KCTD8: variants seen among roughly 807,000 people sequenced by gnomAD.
KCTD8 encodes the protein BTB/POZ domain-containing protein KCTD8.
Under a neutral mutation model 31.5 loss-of-function variants are expected in KCTD8, and 27 were observed. The observed-to-expected ratio is 0.86, with a 90% CI of 0.63 to 1.18. The LOEUF (loss-of-function observed/expected upper bound fraction) is 1.18, where lower values mean the gene tolerates loss of function less well. Among genes scored for constraint, KCTD8 ranks in the 50% most tolerant of loss-of-function variants. The pLI is 0.00. For synonymous variants in KCTD8, 290 were observed against 280.0 expected (o/e 1.04, Z -0.36); for missense variants, 658 against 647.7 (o/e 1.02, Z -0.17).
chr4:44,202,765 C>CA (rs1185045337), intron 1 of KCTD8, among the ~76,000 whole-genome samples: 6 of 151,608 alleles, frequency 4.0e-5, no homozygotes, highest in Non-Finnish European at 7.4e-5. Flanking sequence ...CCCCCAAATA[C>CA]AAAATCTAAA....
intron 1 of KCTD8, among the ~76,000 whole-genome samples, chr4:44,259,546 T>C (rs1351292028): frequency 6.6e-6 from 1 of 151,996 alleles, no homozygotes; most frequent in Non-Finnish European, 1.5e-5. Flanking sequence ...AAATCTGTTT[T>C]ATTCTCAAAA....
In KCTD8 at chr4:44,338,722, T is replaced by G. The variant is rs376874079; in HGVS notation, c.961+108841A>C. Among the ~76,000 whole-genome samples, 50 of 152,278 alleles carry G rather than the reference T, an allele frequency of 3.3e-4. No individual in the cohort carries two copies. The Middle Eastern group carries it at 0.014, about 41-fold the overall frequency. The stretch of plus-strand genomic sequence containing the variant: ...AATTTGTGATAAATAATTTAACAAG[T>G]GCATGTTTCAAGAGATATAATTACT... On this transcript the variant is annotated intron_variant, in intron 1 of 1. Transcript: ENST00000360029.
chr4:44,264,675 T>TC (rs1183777590), intron 1 of KCTD8, among the ~76,000 whole-genome samples: 20 of 151,578 alleles, frequency 1.3e-4, no homozygotes, highest in African/African-American at 4.6e-4. Flanking sequence ...ATCGGGTCAC[T>TC]CCCCCCCGAA....
chr4:44,320,170 C>CAA (rs35250421), intron 1 of KCTD8, among the ~76,000 whole-genome samples: 3,862 of 31,694 alleles, frequency 0.12, 872 homozygotes, highest in South Asian at 0.19. Context: ...GCCTCCATCT[C>CAA]AAAAAAAAAA....
intron 1 of KCTD8, among the ~76,000 whole-genome samples, chr4:44,299,547 G>A (rs1717541995): frequency 1.3e-5 from 2 of 152,040 alleles, no homozygotes; most frequent in African/African-American, 4.8e-5. Context: ...TGGCCAACAT[G>A]GTGAAACTCC....
chr4:44,289,607 G>T (rs1319654198), intron 1 of KCTD8, among the ~76,000 whole-genome samples: 1 of 152,098 alleles, frequency 6.6e-6, no homozygotes, highest in Admixed American at 6.6e-5. Flanking sequence ...AGATGGTGAG[G>T]CAACCCACTC....
chr4:44,186,109 C>A (rs1381003910), intron 1 of KCTD8, among the ~76,000 whole-genome samples: 1 of 152,164 alleles, frequency 6.6e-6, no homozygotes, highest in Non-Finnish European at 1.5e-5. Context: ...ACCCCAAGAC[C>A]CTAGCCGGCA....
intron 1 of KCTD8, among the ~76,000 whole-genome samples, chr4:44,303,146 T>C (rs1045192838): frequency 2.0e-4 from 31 of 152,206 alleles, no homozygotes; most frequent in African/African-American, 7.5e-4. Context: ...GATTTTTGCA[T>C]CGATGTTCAT....
At chr4:44,339,044 C>T (rs182791839) in intron 1 of KCTD8, among the ~76,000 whole-genome samples, 8 of 152,048 alleles carry the variant, frequency 5.3e-5, no homozygotes, top group Non-Finnish European at 8.8e-5. Flanking sequence ...GAAGGCCACA[C>T]GTAATATAGA....
chr4:44,406,544 G>A (rs1232979845), intron 1 of KCTD8, among the ~76,000 whole-genome samples: 1 of 151,976 alleles, frequency 6.6e-6, no homozygotes, highest in Non-Finnish European at 1.5e-5. Flanking sequence ...TGATTCTGAG[G>A]CCTCCCCAGC....
At chr4:44,336,554 AC>A (rs1718751091) in intron 1 of KCTD8, among the ~76,000 whole-genome samples, 1 of 152,110 alleles carries the variant, frequency 6.6e-6, no homozygotes, top group Admixed American at 6.6e-5. Flanking sequence ...GGTTTACAAA[AC>A]AACAAGACAT....
At chr4:44,218,189 G>A (rs1174875291) in intron 1 of KCTD8, among the ~76,000 whole-genome samples, 2 of 136,168 alleles carry the variant, frequency 1.5e-5, no homozygotes, top group Non-Finnish European at 3.0e-5. Flanking sequence ...GCTGGAGTAC[G>A]GTGGCGCAAT....
At chr4:44,401,057 T>G (rs1196728683) in intron 1 of KCTD8, among the ~76,000 whole-genome samples, 1 of 147,546 alleles carries the variant, frequency 6.8e-6, no homozygotes, top group Non-Finnish European at 1.5e-5. Context: ...CTCACTATGT[T>G]GTCTAGGCTG....
At chr4:44,423,906 T>A (rs1408126098) in intron 1 of KCTD8, among the ~76,000 whole-genome samples, 2 of 152,144 alleles carry the variant, frequency 1.3e-5, no homozygotes, top group African/African-American at 4.8e-5. Flanking sequence ...GACTTGATTC[T>A]ATAGTAAAGC....
At chr4:44,202,896 T>C (rs540049569) in intron 1 of KCTD8, among the ~76,000 whole-genome samples, 1 of 152,166 alleles carries the variant, frequency 6.6e-6, no homozygotes, top group Non-Finnish European at 1.5e-5. Context: ...GTTAGAGCAG[T>C]ATTAAATAGG....
At chr4:44,242,639 A>G (rs1243476418) in intron 1 of KCTD8, among the ~76,000 whole-genome samples, 2 of 152,076 alleles carry the variant, frequency 1.3e-5, no homozygotes, top group Middle Eastern at 3.2e-3. Flanking sequence ...TAGTTTGACT[A>G]TATGTCCTCT....
intron 1 of KCTD8, among the ~76,000 whole-genome samples, chr4:44,212,384 C>T (rs912357593): frequency 1.3e-5 from 2 of 152,064 alleles, no homozygotes; most frequent in South Asian, 2.1e-4. Flanking sequence ...TACAGTCACC[C>T]CTTAGTATAT....
chr4:44,244,194 T>C (rs948252913), intron 1 of KCTD8, among the ~76,000 whole-genome samples: 56 of 152,258 alleles, frequency 3.7e-4, no homozygotes, highest in Admixed American at 2.2e-3. Flanking sequence ...CTGTTATTCA[T>C]GCTTTTCCTC....
chr4:44,347,878 A>T (rs1426224247), intron 1 of KCTD8, among the ~76,000 whole-genome samples: 1 of 152,168 alleles, frequency 6.6e-6, no homozygotes, highest in East Asian at 1.9e-4. Context: ...AATTAGATAC[A>T]TTTATAGGGA....
Sources: gnomAD v4.1 joint callset for allele counts (sites outside exome capture counted in the v4.1 genomes callset) on GRCh38, gnomAD v4.1.1 for gene constraint, MANE v1.5 for transcripts, NCBI Gene and HGNC (gene_info 2026-07-23, HGNC 2026-07-21) for gene names.